The following CNTN3 variants were observed in gnomAD, a reference collection of about 807,000 sequenced individuals.
CNTN3 encodes the protein contactin-3.
A neutral mutation model predicts 119.1 loss-of-function variants in CNTN3; 60 were observed. The ratio of observed to expected loss-of-function variants is 0.50; its 90% CI spans 0.41 to 0.62. The LOEUF (loss-of-function observed/expected upper bound fraction) is 0.62, where lower values mean the gene tolerates loss of function less well. Ranked by LOEUF, CNTN3 falls within the 20% of genes least tolerant of loss-of-function variation. CNTN3 has a pLI of 0.00. For missense variants in CNTN3, 1,101 were observed against 1,242.4 expected, an observed-to-expected ratio of 0.89 and a Z score of 1.71; for synonymous variants, 450 against 438.7, an observed-to-expected ratio of 1.03 and a Z score of -0.32.
chr3:74,449,246 G>A (rs980437723), intron 4 of CNTN3, among the ~76,000 whole-genome samples: 2 of 151,914 alleles, frequency 1.3e-5, no homozygotes, highest in Non-Finnish European at 2.9e-5. Context: ...CTGCCACAAG[G>A]AAGACAAAGT....
intron 1 of CNTN3, among the ~76,000 whole-genome samples, chr3:74,597,579 G>T (rs1474784291): frequency 6.6e-6 from 1 of 152,030 alleles, no homozygotes; most frequent in East Asian, 1.9e-4. Context: ...CATATAGGAA[G>T]AAAACTTCTT....
chr3:74,337,694 C>G (rs188027834), intron 11 of CNTN3, among the ~76,000 whole-genome samples: 171 of 152,192 alleles, frequency 1.1e-3, no homozygotes, highest in African/African-American at 4.0e-3. Flanking sequence ...CCAGGTCCCT[C>G]CCACAACATG....
At chr3:74,583,142 G>A (rs1469257188) in intron 1 of CNTN3, among the ~76,000 whole-genome samples, 1 of 152,112 alleles carries the variant, frequency 6.6e-6, no homozygotes, top group Non-Finnish European at 1.5e-5. Context: ...TTGGTACCTG[G>A]ACTAGAGTGA....
rs371273324 is a variant in CNTN3, at chr3:74,334,790, T to C, written c.1613A>G (p.Asn538Ser). Reference protein sequence around the residue: ...LLDIIFTWYFNGALADFKKDG... With the variant: ...LLDIIFTWYFSGALADFKKDG... ...TTTCTTAAAATCTGCAAGGGCCCCA[T>C]TGAAATACCAGGTAAAGATGATGTC... Residue 538 changes from asparagine (N) to serine (S), a missense_variant, in exon 13 of 23, where the codon AAT becomes AGT. Physicochemically the swap from Asn to Ser is conservative, Grantham distance 46. Coordinates refer to ENST00000263665, the MANE Select transcript of CNTN3 (RefSeq NM_020872.3). The C allele has an allele frequency of 5.3e-5, 85 of 1,613,502 alleles. 2 individuals are homozygous for C. In the South Asian group the frequency reaches 9.0e-4, roughly 17 times the overall value.
At chr3:74,395,769 T>G (rs914184733) in intron 5 of CNTN3, among the ~76,000 whole-genome samples, 6 of 152,156 alleles carry the variant, frequency 3.9e-5, no homozygotes, top group African/African-American at 1.4e-4. Flanking sequence ...TGTGTGTGTG[T>G]TTTTTTAAAT....
chr3:74,546,485 T>A (rs1703917221), intron 1 of CNTN3, among the ~76,000 whole-genome samples: 1 of 152,180 alleles, frequency 6.6e-6, no homozygotes, highest in Non-Finnish European at 1.5e-5. Context: ...TCTAATCAGC[T>A]GCCAGCACAG....
chr3:74,433,219 T>C (rs999855376), intron 4 of CNTN3, among the ~76,000 whole-genome samples: 2 of 152,058 alleles, frequency 1.3e-5, no homozygotes, highest in Admixed American at 6.6e-5. Flanking sequence ...ACCCCAATAG[T>C]GGAGGAATTT....
At chr3:74,386,834 T>C (rs1318672726) in intron 5 of CNTN3, among the ~76,000 whole-genome samples, 1 of 152,254 alleles carries the variant, frequency 6.6e-6, no homozygotes, top group Non-Finnish European at 1.5e-5. Context: ...GTTCTTATTT[T>C]TGTTGTCATT....
At chr3:74,298,901 AAAAAAG>A (rs1337095100) in intron 17 of CNTN3, among the ~76,000 whole-genome samples, 5,383 of 150,954 alleles carry the variant, frequency 0.036, 329 homozygotes, top group African/African-American at 0.11. Context: ...AAAAAAAAAA[AAAAAAG>A]GGAAGTAAAT....
intron 5 of CNTN3, among the ~76,000 whole-genome samples, chr3:74,385,554 A>C (rs1217970543): frequency 6.6e-6 from 1 of 152,228 alleles, no homozygotes; most frequent in Non-Finnish European, 1.5e-5. Flanking sequence ...TTTGAGGTTT[A>C]CACTTGTCTT....
chr3:74,472,241 T>C (rs990739498), intron 4 of CNTN3, among the ~76,000 whole-genome samples: 2 of 152,194 alleles, frequency 1.3e-5, no homozygotes, highest in African/African-American at 2.4e-5. Context: ...AGATGGAAAC[T>C]CATCTCAATA....
intron 11 of CNTN3, among the ~76,000 whole-genome samples, chr3:74,353,688 G>A (rs1157857086): frequency 3.3e-5 from 5 of 152,008 alleles, no homozygotes; most frequent in Non-Finnish European, 1.5e-5. Flanking sequence ...CCCGGGAGGC[G>A]GAGCTTGCAG....
chr3:74,447,972 T>C lies in CNTN3; in HGVS notation c.359-23032A>G, dbSNP rs1702079509. The stretch of plus-strand genomic sequence containing the variant: ...TGCAGCCCAGCTTAAAATTGGATGA[T>C]CCATGTAGACCGTTGCCTGATGTCA... On this transcript the variant is annotated intron_variant, in intron 4 of 22. Coordinates refer to ENST00000263665, the MANE Select transcript of CNTN3 (RefSeq NM_020872.3). 1.3e-5 allele frequency among the ~76,000 whole-genome samples: 2 copies of C among 152,168 alleles called. 1 individual carries two copies. Among genetic ancestry groups the C allele is most frequent in the South Asian group, 4.1e-4 (2 of 4,828 alleles).
At chr3:74,474,316 C>G (rs908074834) in intron 4 of CNTN3, among the ~76,000 whole-genome samples, 3 of 152,082 alleles carry the variant, frequency 2.0e-5, no homozygotes, top group Non-Finnish European at 2.9e-5. Flanking sequence ...AGGTGGAGAA[C>G]ATCAGAAAAG....
chr3:74,395,236 G>A (rs1705016301), intron 5 of CNTN3, among the ~76,000 whole-genome samples: 1 of 152,120 alleles, frequency 6.6e-6, no homozygotes, highest in Non-Finnish European at 1.5e-5. Context: ...CAGAATTCAT[G>A]TAATCAAACC....
intron 3 of CNTN3, among the ~76,000 whole-genome samples, chr3:74,493,962 G>A (rs1050706410): frequency 1.3e-5 from 2 of 152,102 alleles, no homozygotes; most frequent in African/African-American, 2.4e-5. Context: ...ACATAAAACA[G>A]ATTAGAGAGC....
intron 5 of CNTN3, among the ~76,000 whole-genome samples, chr3:74,389,443 T>C (rs1191064394): frequency 2.0e-5 from 3 of 152,222 alleles, no homozygotes; most frequent in Non-Finnish European, 4.4e-5. Flanking sequence ...ATTATTTTTG[T>C]GTATTACATC....
intron 5 of CNTN3, among the ~76,000 whole-genome samples, chr3:74,405,332 C>T (rs140553924): frequency 8.0e-5 from 12 of 150,416 alleles, no homozygotes; most frequent in African/African-American, 2.5e-4. Flanking sequence ...TTTGCAGATA[C>T]GTATATACAT....
intron 4 of CNTN3, among the ~76,000 whole-genome samples, chr3:74,433,302 C>A (rs1342831025): frequency 6.6e-6 from 1 of 152,094 alleles, no homozygotes; most frequent in African/African-American, 2.4e-5. Context: ...TCTACCCGCT[C>A]TGCAAATGCT....
Sources: gnomAD v4.1 joint callset for allele counts (sites outside exome capture counted in the v4.1 genomes callset) on GRCh38, gnomAD v4.1.1 for gene constraint, MANE v1.5 for transcripts, NCBI Gene and HGNC (gene_info 2026-07-23, HGNC 2026-07-21) for gene names.